The following ITGA9 variants were observed in gnomAD, a reference collection of about 807,000 sequenced individuals.
ITGA9 encodes the protein integrin subunit alpha 9, also known as integrin alpha-9.
Under a neutral mutation model 127.8 loss-of-function variants are expected in ITGA9, and 56 were observed. That is an observed-to-expected ratio of 0.44 (90% CI 0.35 to 0.55). ITGA9 has a LOEUF of 0.55. ITGA9 is among the 20% of genes least tolerant of loss of function. ITGA9 has a pLI of 0.00. For synonymous variants in ITGA9, 508 were observed against 514.5 expected (o/e 0.99, Z 0.17); for missense variants, 1,196 against 1,347.1 (o/e 0.89, Z 1.76).
chr3:37,665,369 C>G lies in ITGA9; in HGVS notation c.1916+11579C>G, dbSNP rs563413201. Reference sequence around the variant, plus strand: ...TTGAAAGAAAGGCAAAATGCTCAACCAAATGGAACTTTTTGAATAAGAGTT... The same window carrying G: ...TTGAAAGAAAGGCAAAATGCTCAACGAAATGGAACTTTTTGAATAAGAGTT... On this transcript the variant is annotated intron_variant, in intron 17 of 27. Transcript: ENST00000264741. 2.6e-5 allele frequency among the ~76,000 whole-genome samples: 4 copies of G among 152,270 alleles called. No homozygotes were observed. In the East Asian group the frequency reaches 7.7e-4, roughly 29 times the overall value.
chr3:37,629,513 G>T lies in ITGA9; in HGVS notation c.1839+177G>T. On this transcript the variant is annotated intron_variant, in intron 16 of 27. Transcript: ENST00000264741. This position sits in a 1 kb window ranked among gnomAD's most constrained non-coding sequence, Gnocchi z 4.5. The stretch of plus-strand genomic sequence containing the variant: ...CAAAATGATAAAATAAACAGTCTTA[G>T]GGGTTACTTGTGACTACTGTGGGAC... The T allele has an allele frequency of 1.4e-6, 1 of 710,768 alleles. No individual in the cohort carries two copies. Among genetic ancestry groups the T allele is most frequent in the South Asian group, 1.5e-5 (1 of 64,614 alleles). 44.0% of individuals were successfully genotyped at this position (710,768 alleles called of 1,614,324 possible). A position where few individuals can be genotyped will look rare whatever the true frequency, so the allele number is the denominator to read the frequency against.
intron 27 of ITGA9, chr3:37,807,023 G>C (rs1271594031): frequency 1.3e-5 from 2 of 152,318 alleles, no homozygotes; most frequent in Non-Finnish European, 2.9e-5. Flanking sequence ...AACTGCTCTG[G>C]AAACTGAGAA....
At chr3:37,661,917 A>G (rs1241102719) in intron 17 of ITGA9, among the ~76,000 whole-genome samples, 1 of 152,208 alleles carries the variant, frequency 6.6e-6, no homozygotes, top group African/African-American at 2.4e-5. Flanking sequence ...GAGCAGAAGT[A>G]TGGAGAACAG....
rs763009354 is a variant in ITGA9, at chr3:37,542,413, A to T, written c.1529-12A>T. 1.2e-6 allele frequency: 2 copies of T among 1,612,946 alleles called. No homozygotes were observed. ...GTCCTTTCTGACATTTTGACCTCTC[A>T]TTTATTGGCAGGCCTGAATTATGTT... is the stretch of plus-strand genomic sequence containing the variant. On this transcript the variant is annotated splice_polypyrimidine_tract_variant and intron_variant, in intron 14 of 27. Transcript: ENST00000264741.
At chr3:37,514,536 G>T (rs1467202118) in intron 9 of ITGA9, among the ~76,000 whole-genome samples, 1 of 152,156 alleles carries the variant, frequency 6.6e-6, no homozygotes, top group Non-Finnish European at 1.5e-5. Context: ...TCAGCATGGG[G>T]GGGCAGGGGA....
rs191471080 is a variant in ITGA9, at chr3:37,711,183, G to A, written c.2068-21529G>A. Among the ~76,000 whole-genome samples, 579 of 152,222 alleles carry A rather than the reference G, an allele frequency of 3.8e-3. 8 individuals are homozygous for A. Among genetic ancestry groups the A allele is most frequent in the African/African-American group, 0.013 (555 of 41,528 alleles). ...CAAGGACTGGAGTGGTGGAACCCTC[G>A]TCCTTCATTAACACAAGCAGGGCAG... is the stretch of plus-strand genomic sequence containing the variant. On this transcript the variant is annotated intron_variant, in intron 18 of 27. Coordinates refer to ENST00000264741, the MANE Select transcript of ITGA9 (RefSeq NM_002207.3).
intron 18 of ITGA9, among the ~76,000 whole-genome samples, chr3:37,695,960 C>G (rs747580724): frequency 2.6e-5 from 4 of 152,186 alleles, no homozygotes; most frequent in Non-Finnish European, 5.9e-5. Flanking sequence ...CTCCATACTC[C>G]AAGGCTGGGC....
intron 15 of ITGA9, among the ~76,000 whole-genome samples, chr3:37,547,141 A>G (rs996540859): frequency 3.3e-5 from 5 of 151,912 alleles, no homozygotes; most frequent in African/African-American, 4.9e-5. Context: ...GAACAGAACC[A>G]TGTGTCAGAC....
chr3:37,638,310 A>G (rs1230939947), intron 16 of ITGA9, among the ~76,000 whole-genome samples: 2 of 152,152 alleles, frequency 1.3e-5, no homozygotes, highest in African/African-American at 4.8e-5. Flanking sequence ...GCAGGGGGTT[A>G]TTATTTTTCT....
chr3:37,544,361 A>G (rs575060612), intron 15 of ITGA9, among the ~76,000 whole-genome samples: 3 of 152,224 alleles, frequency 2.0e-5, no homozygotes, highest in Admixed American at 6.5e-5. Context: ...AAATAAAACT[A>G]TAGAACTCCT....
At chr3:37,777,295 T>C in intron 23 of ITGA9, 97 bp from the exon 24 acceptor site, 1 of 1,356,490 alleles carries the variant, frequency 7.4e-7, no homozygotes, top group Non-Finnish European at 1.1e-6. Flanking sequence ...GAAAGGTGAA[T>C]TGGGGTTCTA....
intron 15 of ITGA9, among the ~76,000 whole-genome samples, chr3:37,576,308 G>A (rs1032622923): frequency 6.6e-6 from 1 of 152,208 alleles, no homozygotes; most frequent in South Asian, 2.1e-4. Flanking sequence ...AGAAACACGC[G>A]TAACTTTCCT....
At chr3:37,455,045 TTTATG>T (rs936970925) in intron 1 of ITGA9, among the ~76,000 whole-genome samples, 1 of 152,194 alleles carries the variant, frequency 6.6e-6, no homozygotes, top group African/African-American at 2.4e-5. Flanking sequence ...ATTTTATAAT[TTTATG>T]TTAATTTTCT....
intron 23 of ITGA9, among the ~76,000 whole-genome samples, chr3:37,776,067 A>G (rs754677789): frequency 7.2e-5 from 11 of 152,226 alleles, no homozygotes; most frequent in Non-Finnish European, 2.9e-5. Flanking sequence ...TATCCCTAGC[A>G]AACTAACACA....
chr3:37,755,062 C>T (rs1326342682), intron 23 of ITGA9, among the ~76,000 whole-genome samples: 1 of 151,948 alleles, frequency 6.6e-6, no homozygotes, highest in East Asian at 1.9e-4. Context: ...GAATAACTGA[C>T]CCCCCCAAAA....
chr3:37,719,574 G>A (rs190343626), intron 18 of ITGA9, among the ~76,000 whole-genome samples: 3 of 152,220 alleles, frequency 2.0e-5, no homozygotes, highest in African/African-American at 2.4e-5. Context: ...CCTGGAGGCC[G>A]CCTATGACAG....
At chr3:37,752,150 C>T (rs1333969561) in intron 23 of ITGA9, among the ~76,000 whole-genome samples, 2 of 152,242 alleles carry the variant, frequency 1.3e-5, no homozygotes, top group Non-Finnish European at 2.9e-5. Context: ...GCAAGGGCCT[C>T]CTGTGGCTCC....
chr3:37,691,557 A>C (rs1300300123), intron 18 of ITGA9, among the ~76,000 whole-genome samples: 1 of 152,194 alleles, frequency 6.6e-6, no homozygotes, highest in African/African-American at 2.4e-5. Context: ...TTTGGCAGCT[A>C]ATTAAAATGT....
At chr3:37,772,417 AC>A (rs1025414143) in intron 23 of ITGA9, among the ~76,000 whole-genome samples, 3 of 151,992 alleles carry the variant, frequency 2.0e-5, no homozygotes, top group East Asian at 1.9e-4. Context: ...CAAAAAAAAA[AC>A]AAAAATGTGG....
Sources: allele counts gnomAD v4.1 joint callset (sites outside exome capture counted in the v4.1 genomes callset), GRCh38; gene constraint gnomAD v4.1.1; non-coding constraint Gnocchi (gnomAD v3.1); transcripts MANE v1.5; gene names NCBI Gene and HGNC (gene_info 2026-07-23, HGNC 2026-07-21).